CARMIL1: variants seen among roughly 807,000 people sequenced by gnomAD.
CARMIL1 encodes the protein F-actin-uncapping protein LRRC16A.
In CARMIL1, 90 loss-of-function variants were observed where a neutral mutation model predicts 177.1. That is an observed-to-expected ratio of 0.51 (90% CI 0.43 to 0.61). CARMIL1 has a LOEUF of 0.61. Among genes scored for constraint, CARMIL1 ranks in the 20% least tolerant of loss-of-function variants. The pLI, the probability that CARMIL1 is intolerant of heterozygous loss-of-function variation, is 0.00. For synonymous variants in CARMIL1, 577 were observed against 606.2 expected (o/e 0.95, Z 0.71); for missense variants, 1,380 against 1,667.0 (o/e 0.83, Z 3.00).
chr6:25,356,418 T>C (rs1788621950), intron 2 of CARMIL1, among the ~76,000 whole-genome samples: 1 of 152,196 alleles, frequency 6.6e-6, no homozygotes, highest in African/African-American at 2.4e-5. Context: ...TTACAGTCCT[T>C]ACCATTTCAT....
chr6:25,360,716 A>T (rs1192636221), intron 2 of CARMIL1, among the ~76,000 whole-genome samples: 1 of 152,208 alleles, frequency 6.6e-6, no homozygotes, highest in African/African-American at 2.4e-5. Flanking sequence ...ACAGGGACAT[A>T]TTGGGAAGTG....
At chr6:25,522,999 A>G (rs1437555717) in intron 23 of CARMIL1, among the ~76,000 whole-genome samples, 3 of 152,072 alleles carry the variant, frequency 2.0e-5, no homozygotes, top group Middle Eastern at 3.2e-3. Flanking sequence ...AGGTTTCACT[A>G]TGTTGCCCAA....
At chr6:25,489,106 G>C (rs1160987765) in intron 13 of CARMIL1, among the ~76,000 whole-genome samples, 1 of 152,080 alleles carries the variant, frequency 6.6e-6, no homozygotes, top group Non-Finnish European at 1.5e-5. Context: ...CGGAGGTTGT[G>C]GTGAGCCGAG....
At chr6:25,476,565 T>C (rs1400682420) in intron 11 of CARMIL1, among the ~76,000 whole-genome samples, 6 of 152,204 alleles carry the variant, frequency 3.9e-5, no homozygotes, top group African/African-American at 1.4e-4. Context: ...CTGAAGATGA[T>C]TGGTAGCTTT....
chr6:25,610,718 C>T (rs1392836336), intron 36 of CARMIL1, among the ~76,000 whole-genome samples: 3 of 152,212 alleles, frequency 2.0e-5, no homozygotes, highest in Non-Finnish European at 4.4e-5. Context: ...CACCAGTTTG[C>T]TCCTTCTAAT....
chr6:25,440,993 A>G (rs1009963427), intron 5 of CARMIL1, among the ~76,000 whole-genome samples: 6 of 152,070 alleles, frequency 3.9e-5, no homozygotes, highest in Non-Finnish European at 8.8e-5. Context: ...TCAGTTCTTG[A>G]ATACTCTACG....
Position 25,563,220 on chromosome 6 carries a change from C to T in CARMIL1, c.2742+6370C>T, listed in dbSNP as rs1020850312. ...CCCTTAGAAACCTCATGCTTTTCAACATGCCATGATGACATTTGCATCAAC... is the reference window on the plus strand; with the variant it reads ...CCCTTAGAAACCTCATGCTTTTCAATATGCCATGATGACATTTGCATCAAC... On this transcript the variant is annotated intron_variant, in intron 29 of 36. Transcript: ENST00000329474. 3.0e-6 allele frequency: 3 copies of T among 985,264 alleles called. No homozygotes were observed. In the African/African-American group the frequency reaches 5.2e-5, roughly 17 times the overall value. The allele number at this position is 985,264 out of a possible 1,614,324, so 61.0% of individuals were successfully genotyped here.
chr6:25,535,215 G>C (rs576734565), intron 24 of CARMIL1, among the ~76,000 whole-genome samples: 6 of 152,278 alleles, frequency 3.9e-5, no homozygotes, highest in African/African-American at 1.4e-4. Flanking sequence ...GACTTCATGA[G>C]GTTCTAGGTG....
intron 2 of CARMIL1, among the ~76,000 whole-genome samples, chr6:25,351,436 G>A (rs1484921225): frequency 6.6e-6 from 1 of 152,210 alleles, no homozygotes; most frequent in Non-Finnish European, 1.5e-5. Context: ...TTGATGGTAA[G>A]AAAGGGTGAG....
intron 11 of CARMIL1, among the ~76,000 whole-genome samples, chr6:25,480,618 TATA>T (rs1052467605): frequency 7.6e-5 from 11 of 145,528 alleles, no homozygotes; most frequent in African/African-American, 2.0e-4. Context: ...TTTATATTTA[TATA>T]ATAATATTTT....
chr6:25,459,210 T>TTTTCTTTCTCTC (rs1799796978), intron 8 of CARMIL1, among the ~76,000 whole-genome samples: 1 of 80,136 alleles, frequency 1.2e-5, no homozygotes, highest in African/African-American at 4.4e-5. Flanking sequence ...GATCCCAACT[T>TTTTCTTTCTCTC]TTTCTTTCTT....
intron 4 of CARMIL1, among the ~76,000 whole-genome samples, chr6:25,428,537 A>G (rs1293212891): frequency 6.6e-6 from 1 of 152,190 alleles, no homozygotes; most frequent in Non-Finnish European, 1.5e-5. Context: ...TATGAATTTT[A>G]GAAACACCTC....
intron 21 of CARMIL1, among the ~76,000 whole-genome samples, chr6:25,516,867 G>T (rs1359340878): frequency 6.6e-6 from 1 of 152,196 alleles, no homozygotes; most frequent in Admixed American, 6.5e-5. Context: ...GAAAACACAA[G>T]GAACTATGAC....
Position 25,620,032 on chromosome 6 carries a change from C to T in CARMIL1, c.*449C>T, listed in dbSNP as rs539444061. 1 of 153,706 alleles carries T rather than the reference C, an allele frequency of 6.5e-6. No homozygotes were observed. Among genetic ancestry groups the T allele is most frequent in the African/African-American group, 2.4e-5 (1 of 41,542 alleles). 9.5% of individuals were successfully genotyped at this position (153,706 alleles called of 1,614,324 possible). On this transcript the variant is annotated 3_prime_UTR_variant, in exon 37 of 37. Coordinates refer to ENST00000329474, the MANE Select transcript of CARMIL1 (RefSeq NM_017640.6). ...GCTAAGTGTACCTGTGTCAAATCCG[C>T]ACAGGACTCAATATAGCAATTTATT...
intron 29 of CARMIL1, among the ~76,000 whole-genome samples, chr6:25,559,560 C>T (rs1190748579): frequency 5.9e-5 from 3 of 50,648 alleles, no homozygotes; most frequent in Admixed American, 1.7e-4. Context: ...GAATTTGTGC[C>T]ACAGATGGAG....
At chr6:25,467,328 C>G (rs547289663) in intron 9 of CARMIL1, among the ~76,000 whole-genome samples, 41 of 152,182 alleles carry the variant, frequency 2.7e-4, no homozygotes, top group African/African-American at 9.6e-4. Flanking sequence ...GCAAAGAGTA[C>G]AGGTGGGAAA....
intron 2 of CARMIL1, among the ~76,000 whole-genome samples, chr6:25,387,818 A>G (rs1434509002): frequency 6.6e-6 from 1 of 152,202 alleles, no homozygotes; most frequent in African/African-American, 2.4e-5. Context: ...CTGAGGCCTC[A>G]GGGAAAGCAT....
At chr6:25,551,148 G>A in intron 27 of CARMIL1, 63 bp downstream of exon 27, 5 of 1,313,044 alleles carry the variant, frequency 3.8e-6, no homozygotes, top group Non-Finnish European at 5.4e-6. Flanking sequence ...CGAGGCAGCT[G>A]TAAAGAGGGT....
chr6:25,419,932 T>C (rs554658508), intron 2 of CARMIL1, among the ~76,000 whole-genome samples, 182 bp from the exon 3 acceptor site: 3 of 152,336 alleles, frequency 2.0e-5, no homozygotes, highest in African/African-American at 7.2e-5. Flanking sequence ...ACAGGGACTC[T>C]TTAAGTTAAA....
Sources: gnomAD v4.1 joint callset for allele counts (sites outside exome capture counted in the v4.1 genomes callset) on GRCh38, gnomAD v4.1.1 for gene constraint, MANE v1.5 for transcripts, NCBI Gene and HGNC (gene_info 2026-07-23, HGNC 2026-07-21) for gene names.